Variants in DOT1L observed in about 807,000 individuals in gnomAD.
DOT1L encodes DOT1 like histone lysine methyltransferase.
Under a neutral mutation model 153.3 loss-of-function variants are expected in DOT1L, and 33 were observed. The ratio of observed to expected loss-of-function variants is 0.22; its 90% CI spans 0.16 to 0.29. DOT1L has a LOEUF of 0.29. Among genes scored for constraint, DOT1L ranks in the 10% least tolerant of loss-of-function variants. The pLI, the probability that DOT1L is intolerant of heterozygous loss-of-function variation, is 1.00. For synonymous variants in DOT1L, 1,135 were observed against 965.1 expected (o/e 1.18, Z -3.26); for missense variants, 1,847 against 2,119.9 (o/e 0.87, Z 2.53).
chr19:2,228,044 C>T (rs544247309), intron 27 of DOT1L: 14 of 1,305,430 alleles, frequency 1.1e-5, no homozygotes, highest in Middle Eastern at 4.3e-4. Flanking sequence ...TGGCCTCTAA[C>T]CCTGAGCCCG....
At position 2,193,894 on chromosome 19, in the gene DOT1L, T is replaced by C. The variant is rs2022902379; in HGVS notation, c.588+111T>C. On this transcript the variant is annotated intron_variant, in intron 6 of 27. Coordinates refer to ENST00000398665, the MANE Select transcript of DOT1L (RefSeq NM_032482.3). The surrounding 1 kb of genome is among the most constrained non-coding windows in gnomAD (Gnocchi z 5.9). ...TGGGACTTCCGAGTCTGGGTGGCGTTCTTTCCAGGCCCAAGACGTCTTGGT... is the reference window on the plus strand; with the variant it reads ...TGGGACTTCCGAGTCTGGGTGGCGTCCTTTCCAGGCCCAAGACGTCTTGGT... The C allele has an allele frequency of 1.7e-6, 2 of 1,164,576 alleles. No individual in the cohort carries two copies. 72.1% of individuals were successfully genotyped at this position (1,164,576 alleles called of 1,614,324 possible).
At chr19:2,206,140 G>C (rs951011644) in intron 9 of DOT1L, among the ~76,000 whole-genome samples, 9 of 152,056 alleles carry the variant, frequency 5.9e-5, no homozygotes, top group Admixed American at 5.9e-4. Context: ...TGGGATTACA[G>C]ATGTGCGCCA....
chr19:2,216,091 C>T (rs1014686364), intron 19 of DOT1L, 190 bp from the exon 20 acceptor site: 6 of 706,442 alleles, frequency 8.5e-6, no homozygotes, highest in African/African-American at 7.2e-5. Flanking sequence ...ATCCTCGGCC[C>T]TCCACATGAC....
chr19:2,191,164 C>T lies in DOT1L; in HGVS notation c.417C>T (p.Thr139=), dbSNP rs2022777486. 6.2e-7 allele frequency: 1 copy of T among 1,613,592 alleles called. No homozygotes were observed. Among genetic ancestry groups the T allele is most frequent in the African/African-American group, 1.3e-5 (1 of 74,786 alleles). The change falls in exon 5 of 28, where the codon ACC becomes ACT. Residue 139 remains threonine (T), a synonymous_variant. Transcript: ENST00000398665. The surrounding 1 kb of genome is among the most constrained non-coding windows in gnomAD (Gnocchi z 6.8). ...EPFSPEVYGE[T]SFDLVAQMID... ...TCTCCCCCGAGGTGTACGGGGAGAC[C>T]TCCTTCGACCTGGTGGCCCAGATGA... is the stretch of plus-strand genomic sequence containing the variant.
intron 12 of DOT1L, among the ~76,000 whole-genome samples, chr19:2,209,910 C>G (rs762018716): frequency 6.6e-6 from 1 of 152,204 alleles, no homozygotes; most frequent in Non-Finnish European, 1.5e-5. Context: ...GGGAACGGCC[C>G]GAGGTGGCCG....
intron 22 of DOT1L, among the ~76,000 whole-genome samples, chr19:2,219,323 T>C (rs765428008): frequency 6.6e-6 from 1 of 152,154 alleles, no homozygotes; most frequent in East Asian, 1.9e-4. Context: ...TTTGTACTTT[T>C]ATACACCTCT....
At chr19:2,218,609 G>A (rs1382664080) in intron 22 of DOT1L, among the ~76,000 whole-genome samples, 2 of 152,050 alleles carry the variant, frequency 1.3e-5, no homozygotes, top group East Asian at 1.9e-4. Context: ...TAGCCAGGAT[G>A]GTCTTGATCT....
intron 7 of DOT1L, 147 bp from the exon 8 acceptor site, chr19:2,199,737 G>GGCTGCAGCCCTGGGA: frequency 1.9e-6 from 2 of 1,060,852 alleles, no homozygotes; most frequent in Non-Finnish European, 2.7e-6. Context: ...CAGCTCCCAG[G>GGCTGCAGCCCTGGGA]GCTGCAGCCG....
intron 1 of DOT1L, among the ~76,000 whole-genome samples, chr19:2,174,999 TATA>T (rs1303424226): frequency 4.7e-5 from 5 of 106,206 alleles, no homozygotes; most frequent in African/African-American, 1.1e-4. Context: ...TGTGTGTATA[TATA>T]TATTTTTTTT....
At chr19:2,221,618 C>CT (rs1292216513) in intron 23 of DOT1L, 10 of 307,360 alleles carry the variant, frequency 3.3e-5, no homozygotes, top group Non-Finnish European at 6.0e-5. Context: ...CAGCCATGGG[C>CT]TTTCCTCATG....
intron 27 of DOT1L, chr19:2,228,635 C>T (rs2024471359): frequency 1.0e-6 from 1 of 981,506 alleles, no homozygotes; most frequent in Non-Finnish European, 1.2e-6. Context: ...AGGACTGAGG[C>T]CAGCCCTGGG....
At chr19:2,200,424 T>A (rs905324527) in intron 8 of DOT1L, among the ~76,000 whole-genome samples, 13 of 152,142 alleles carry the variant, frequency 8.5e-5, no homozygotes, top group Admixed American at 2.6e-4. Context: ...GCCTGGGAGC[T>A]CAGGGCACTG....
chr19:2,218,159 G>A (rs1441676465), intron 22 of DOT1L, among the ~76,000 whole-genome samples: 1 of 152,202 alleles, frequency 6.6e-6, no homozygotes, highest in African/African-American at 2.4e-5. Flanking sequence ...ACACCTTCTG[G>A]GTTGAGGAGG....
chr19:2,227,130 A>G lies in DOT1L; in HGVS notation c.4606+3A>G. On this transcript the variant is annotated splice_donor_region_variant and intron_variant, in intron 27 of 27. Transcript: ENST00000398665. ...GGTGGCAGGCGGCACAGTTGGAGGT[A>G]GGCAGGGCGGCCGTCCGTCCGCCCC... The G allele has an allele frequency of 1.3e-6, 2 of 1,558,036 alleles. No homozygotes were observed. The highest frequency in any genetic ancestry group is 1.7e-6 in the Non-Finnish European group (2 of 1,161,704).
At chr19:2,185,532 G>T (rs2022456160) in intron 2 of DOT1L, among the ~76,000 whole-genome samples, 1 of 152,156 alleles carries the variant, frequency 6.6e-6, no homozygotes, top group Non-Finnish European at 1.5e-5. Flanking sequence ...ACTGTGGGAG[G>T]CTGAAGTGGG....
Position 2,220,001 on chromosome 19 carries a change from C to T in DOT1L, c.2692-107C>T, listed in dbSNP as rs762388351. 2.5e-5 allele frequency: 25 copies of T among 995,994 alleles called. No individual in the cohort carries two copies. The highest frequency in any genetic ancestry group is 2.8e-4 in the Middle Eastern group (1 of 3,614). The allele number at this position is 995,994 out of a possible 1,614,324, so 61.7% of individuals were successfully genotyped here. ...ACGCGGTACTGGACGGTGACCCCGG[C>T]GGCCTCCCCCAGCCAGCTGCAGGCC... On this transcript the variant is annotated intron_variant, in intron 22 of 27. Coordinates refer to ENST00000398665, the MANE Select transcript of DOT1L (RefSeq NM_032482.3). The surrounding 1 kb of genome is among the most constrained non-coding windows in gnomAD (Gnocchi z 4.5).
Position 2,214,602 on chromosome 19 carries a change from C to T in DOT1L, c.1923+6C>T, listed in dbSNP as rs368395706. On this transcript the variant is annotated splice_donor_region_variant and intron_variant, in intron 19 of 27. Transcript: ENST00000398665. ...GGCACTGCCTGGAGCTGCAGGTGGGCTGCGCGCGAGGCTGCACTCCGTGGT... is the reference window on the plus strand; with the variant it reads ...GGCACTGCCTGGAGCTGCAGGTGGGTTGCGCGCGAGGCTGCACTCCGTGGT... 1.2e-5 allele frequency: 19 copies of T among 1,611,650 alleles called. No individual in the cohort carries two copies. In the Middle Eastern group the frequency reaches 1.2e-3, roughly 99 times the overall value.
At position 2,220,189 on chromosome 19, in the gene DOT1L, G is replaced by T. The variant is rs1270385096; in HGVS notation, c.2773G>T (p.Ala925Ser). The change falls in exon 23 of 28, where the codon GCT becomes TCT. Residue 925 changes from alanine to serine, a missense_variant. Ala to Ser is a moderately conservative substitution (Grantham distance 99). This residue lies in a region of DOT1L where 68 missense variants were observed against 80.7 expected (regional missense o/e 0.84). Transcript: ENST00000398665. This position sits in a 1 kb window ranked among gnomAD's most constrained non-coding sequence, Gnocchi z 4.5. ...GCAGATTGGTGCTAATGCCCACGGT[G>T]CTGGGAGCAGAAGCCTTGCCCTGGC... ...EKQIGANAHG[A>S]GSRSLALAPA... The T allele has an allele frequency of 6.2e-7, 1 of 1,613,692 alleles. No individual in the cohort carries two copies. Among genetic ancestry groups the T allele is most frequent in the Non-Finnish European group, 8.5e-7 (1 of 1,180,008 alleles).
Position 2,230,612 on chromosome 19 carries a change from T to C in DOT1L, c.*820T>C. The C allele has an allele frequency of 2.5e-6, 1 of 398,670 alleles. No homozygotes were observed. Among genetic ancestry groups the C allele is most frequent in the Non-Finnish European group, 4.4e-6 (1 of 226,074 alleles). The allele number at this position is 398,670 out of a possible 1,614,324, so 24.7% of individuals were successfully genotyped here. On this transcript the variant is annotated 3_prime_UTR_variant, in exon 28 of 28. Coordinates refer to ENST00000398665, the MANE Select transcript of DOT1L (RefSeq NM_032482.3). ...GGCCTGTCGTGGGTCCCTTGGTGTT[T>C]CTGTACAGGAGAGAGTCACACTAAT...
Sources: gnomAD v4.1 joint callset for allele counts (sites outside exome capture counted in the v4.1 genomes callset) on GRCh38, gnomAD v4.1.1 for gene constraint, gnomAD v4.1.1 regional missense constraint, Gnocchi (gnomAD v3.1) non-coding constraint, MANE v1.5 for transcripts, NCBI Gene and HGNC (gene_info 2026-07-23, HGNC 2026-07-21) for gene names.